Variants in AKAP19 observed in about 807,000 individuals in gnomAD.
The protein encoded by AKAP19 is small A-kinase anchoring protein.
the AKAP19 span, among the ~76,000 whole-genome samples, chr2:189,948,731 A>G: frequency 6.6e-6 from 1 of 152,232 alleles, no homozygotes; most frequent in African/African-American, 2.4e-5. Context: ...GTCAACATAT[A>G]TATAGCGTAT....
the AKAP19 span, among the ~76,000 whole-genome samples, chr2:190,009,769 A>C: frequency 6.6e-6 from 1 of 152,176 alleles, no homozygotes; most frequent in African/African-American, 2.4e-5. Flanking sequence ...AACTGAGTAG[A>C]TAGAGAAGAG....
At chr2:190,115,413 G>A in the AKAP19 span, among the ~76,000 whole-genome samples, 3 of 124,140 alleles carry the variant, frequency 2.4e-5, no homozygotes, top group Non-Finnish European at 4.9e-5. Flanking sequence ...TCCGCCTCCC[G>A]GGTTCACGCC....
At chr2:189,909,924 G>GT in the AKAP19 span, among the ~76,000 whole-genome samples, 227 of 151,462 alleles carry the variant, frequency 1.5e-3, 1 homozygote, top group African/African-American at 5.0e-3. Context: ...GTATCAAGGT[G>GT]TTTTTTTTCA....
At chr2:190,126,828 A>G in the AKAP19 span, among the ~76,000 whole-genome samples, 3 of 152,158 alleles carry the variant, frequency 2.0e-5, no homozygotes, top group Non-Finnish European at 4.4e-5. Flanking sequence ...AAAAGACATC[A>G]AAAGACTTGT....
chr2:190,057,611 C>T, the AKAP19 span: 1 of 1,613,256 alleles, frequency 6.2e-7, no homozygotes, highest in Non-Finnish European at 8.5e-7. Flanking sequence ...TTTGGTGTGT[C>T]TGTTACCTTG....
chr2:190,010,452 T>C, the AKAP19 span, among the ~76,000 whole-genome samples: 3 of 152,216 alleles, frequency 2.0e-5, no homozygotes, highest in Non-Finnish European at 2.9e-5. Context: ...ATGTACTGTA[T>C]GATTGCTGAG....
chr2:190,076,889 TA>T, the AKAP19 span, among the ~76,000 whole-genome samples: 1 of 152,208 alleles, frequency 6.6e-6, no homozygotes, highest in South Asian at 2.1e-4. Context: ...TCTGGGACTG[TA>T]ATGACACATA....
At chr2:189,886,593 G>T in the AKAP19 span, among the ~76,000 whole-genome samples, 1 of 152,186 alleles carries the variant, frequency 6.6e-6, no homozygotes, top group African/African-American at 2.4e-5. Context: ...TAAGTCGGAA[G>T]AATAGAAATG....
At chr2:189,904,123 A>G in the AKAP19 span, among the ~76,000 whole-genome samples, 11 of 152,102 alleles carry the variant, frequency 7.2e-5, no homozygotes, top group Non-Finnish European at 1.3e-4. Context: ...TATAGCTTGA[A>G]ATAAGTTTAG....
the AKAP19 span, among the ~76,000 whole-genome samples, chr2:190,126,323 A>AAAAAAAAAAAAAAAAAAAAAAAAAC: frequency 7.1e-6 from 1 of 141,670 alleles, no homozygotes; most frequent in Non-Finnish European, 1.5e-5. Context: ...AAAAAAAAAA[A>AAAAAAAAAAAAAAAAAAAAAAAAAC]AGGTGTATAT....
At chr2:190,089,832 A>G in the AKAP19 span, among the ~76,000 whole-genome samples, 4 of 152,284 alleles carry the variant, frequency 2.6e-5, no homozygotes, top group South Asian at 2.1e-4. Flanking sequence ...CTTGAGGACT[A>G]TGATTCAATT....
chr2:190,028,803 C>A, the AKAP19 span, among the ~76,000 whole-genome samples: 29 of 152,000 alleles, frequency 1.9e-4, no homozygotes, highest in Non-Finnish European at 3.7e-4. Context: ...ATGGAAAAAA[C>A]CTATATATCT....
chr2:190,115,351 G>A, the AKAP19 span, among the ~76,000 whole-genome samples: 1 of 80,800 alleles, frequency 1.2e-5, no homozygotes, highest in Non-Finnish European at 2.2e-5. Flanking sequence ...ATGGAGTCTC[G>A]CTCTGTCGCC....
chr2:190,074,024 A>G, the AKAP19 span, among the ~76,000 whole-genome samples: 3 of 150,986 alleles, frequency 2.0e-5, no homozygotes, highest in African/African-American at 7.4e-5. Context: ...CCTGGATGAC[A>G]GAGTGAGATT....
chr2:190,195,907 TTA>T, the AKAP19 span, among the ~76,000 whole-genome samples: 2 of 150,984 alleles, frequency 1.3e-5, no homozygotes, highest in African/African-American at 4.9e-5. Flanking sequence ...CCATTTCAAA[TTA>T]ATTTTGTGAA....
At chr2:190,151,723 C>T in the AKAP19 span, among the ~76,000 whole-genome samples, 638 of 151,360 alleles carry the variant, frequency 4.2e-3, 3 homozygotes, top group African/African-American at 0.014. Context: ...TTGGCCAGGC[C>T]GGGCATAGTG....
chr2:190,169,475 C>A, the AKAP19 span, among the ~76,000 whole-genome samples: 2 of 152,190 alleles, frequency 1.3e-5, no homozygotes, highest in African/African-American at 4.8e-5. Flanking sequence ...AGGGCCTGAC[C>A]TTCTCAGTTT....
the AKAP19 span, among the ~76,000 whole-genome samples, chr2:190,035,474 T>C: frequency 6.6e-6 from 1 of 152,142 alleles, no homozygotes; most frequent in African/African-American, 2.4e-5. Context: ...CTACTTTCAT[T>C]ACTACAAAAC....
chr2:190,066,331 A>G, the AKAP19 span, among the ~76,000 whole-genome samples: 3 of 152,094 alleles, frequency 2.0e-5, no homozygotes, highest in African/African-American at 7.2e-5. Context: ...TTACGGTTTT[A>G]TTTTTCCAGT....
Sources: gnomAD v4.1 joint callset for allele counts (sites outside exome capture counted in the v4.1 genomes callset) on GRCh38, gnomAD v4.1.1 for gene constraint, MANE v1.5 for transcripts, NCBI Gene and HGNC (gene_info 2026-07-23, HGNC 2026-07-21) for gene names.